CYP7B1: variants seen among roughly 807,000 people sequenced by gnomAD.
CYP7B1 encodes cytochrome P450 7B1.
A neutral mutation model predicts 42.7 loss-of-function variants in CYP7B1; 29 were observed. The ratio of observed to expected loss-of-function variants is 0.68; its 90% CI spans 0.51 to 0.93. CYP7B1 has a LOEUF of 0.93. CYP7B1 is among the 40% of genes least tolerant of loss of function. The pLI, the probability that CYP7B1 is intolerant of heterozygous loss-of-function variation, is 0.00. For synonymous variants in CYP7B1, 235 were observed against 218.2 expected (o/e 1.08, Z -0.68); for missense variants, 655 against 600.5 (o/e 1.09, Z -0.95).
At chr8:64,705,985 G>A (rs1385485799) in intron 1 of CYP7B1, among the ~76,000 whole-genome samples, 2 of 151,892 alleles carry the variant, frequency 1.3e-5, no homozygotes, top group African/African-American at 2.4e-5. Context: ...GAACTCCAAC[G>A]GGTTATTTTA....
intron 1 of CYP7B1, among the ~76,000 whole-genome samples, chr8:64,626,600 A>C (rs1805613497): frequency 6.6e-6 from 1 of 152,232 alleles, no homozygotes; most frequent in African/African-American, 2.4e-5. Flanking sequence ...CCTTTGGAAT[A>C]CTATCAGTTA....
At position 64,593,367 on chromosome 8, in the gene CYP7B1, C is replaced by G. The variant is rs1805067795; in HGVS notation, c.*3275G>C. Among the ~76,000 whole-genome samples, 1 of 151,804 alleles carries G rather than the reference C, an allele frequency of 6.6e-6. No homozygotes were observed. Among genetic ancestry groups the G allele is most frequent in the African/African-American group, 2.4e-5 (1 of 41,296 alleles). On this transcript the variant is annotated 3_prime_UTR_variant, in exon 6 of 6. Coordinates refer to ENST00000310193, the MANE Select transcript of CYP7B1 (RefSeq NM_004820.5). The stretch of plus-strand genomic sequence containing the variant: ...TGAACTAGAAAGAAACTGTGCTCCA[C>G]AGAGCAAAACTGTCAGTATATTTGC...
intron 2 of CYP7B1, among the ~76,000 whole-genome samples, chr8:64,616,978 T>A (rs1191017759): frequency 6.6e-6 from 1 of 152,192 alleles, no homozygotes; most frequent in Non-Finnish European, 1.5e-5. Flanking sequence ...TATTAAGATC[T>A]GGAAACTTGG....
intron 1 of CYP7B1, among the ~76,000 whole-genome samples, chr8:64,768,112 T>C (rs1804138081): frequency 6.6e-6 from 1 of 152,190 alleles, no homozygotes; most frequent in African/African-American, 2.4e-5. Flanking sequence ...CGCATCTACC[T>C]TTAAACACGG....
intron 1 of CYP7B1, among the ~76,000 whole-genome samples, chr8:64,688,216 C>T (rs1345503943): frequency 6.6e-6 from 1 of 152,202 alleles, no homozygotes; most frequent in African/African-American, 2.4e-5. Flanking sequence ...CAGCAATGCC[C>T]AGAAGCCCAC....
chr8:64,647,095 C>T (rs904538473), intron 1 of CYP7B1, among the ~76,000 whole-genome samples: 25 of 152,046 alleles, frequency 1.6e-4, no homozygotes, highest in African/African-American at 6.0e-4. Context: ...TATTAATTGG[C>T]CTAACTTCAA....
At chr8:64,747,119 T>C (rs568175293) in intron 1 of CYP7B1, among the ~76,000 whole-genome samples, 35 of 149,360 alleles carry the variant, frequency 2.3e-4, no homozygotes, top group Middle Eastern at 7.2e-3. Flanking sequence ...TTTATTGTTA[T>C]TTATAGATCT....
chr8:64,621,253 T>C (rs928690182), intron 2 of CYP7B1, among the ~76,000 whole-genome samples: 12 of 152,170 alleles, frequency 7.9e-5, no homozygotes, highest in Non-Finnish European at 1.8e-4. Flanking sequence ...CTAGACTAAA[T>C]GTTGACAATA....
At chr8:64,662,275 G>A (rs868505117) in intron 1 of CYP7B1, among the ~76,000 whole-genome samples, 8 of 152,160 alleles carry the variant, frequency 5.3e-5, no homozygotes, top group Middle Eastern at 3.2e-3. Context: ...CGAGGCTGCG[G>A]TGTGCTTTAT....
At chr8:64,659,759 G>T (rs895683029) in intron 1 of CYP7B1, among the ~76,000 whole-genome samples, 1 of 152,184 alleles carries the variant, frequency 6.6e-6, no homozygotes, top group Non-Finnish European at 1.5e-5. Flanking sequence ...TGGAAGGAAA[G>T]GTCTAAGAAC....
chr8:64,754,754 C>A (rs1807782537), intron 1 of CYP7B1, among the ~76,000 whole-genome samples: 1 of 152,096 alleles, frequency 6.6e-6, no homozygotes, highest in Non-Finnish European at 1.5e-5. Context: ...AAAGCCCCTG[C>A]AGAGTTTTTA....
At chr8:64,713,620 A>T (rs1414558864) in intron 1 of CYP7B1, among the ~76,000 whole-genome samples, 1 of 152,186 alleles carries the variant, frequency 6.6e-6, no homozygotes, top group Non-Finnish European at 1.5e-5. Context: ...ATACTGTAGA[A>T]GAAGAGATCA....
intron 1 of CYP7B1, among the ~76,000 whole-genome samples, chr8:64,676,741 G>C (rs1563386801): frequency 6.6e-6 from 1 of 151,990 alleles, no homozygotes; most frequent in Non-Finnish European, 1.5e-5. Flanking sequence ...TCTTAATTCA[G>C]TATTAAATGG....
chr8:64,643,122 T>TATATATACATATATATACAC (rs1805886198), intron 1 of CYP7B1, among the ~76,000 whole-genome samples: 27 of 48,906 alleles, frequency 5.5e-4, no homozygotes, highest in South Asian at 2.5e-3. Context: ...TATATATACA[T>TATATATACATATATATACAC]ATATACATAT....
chr8:64,708,090 C>T (rs924898955), intron 1 of CYP7B1, among the ~76,000 whole-genome samples: 2 of 152,072 alleles, frequency 1.3e-5, no homozygotes, highest in African/African-American at 4.8e-5. Flanking sequence ...TTCTTCCTTG[C>T]CTGGTGTTAT....
intron 1 of CYP7B1, among the ~76,000 whole-genome samples, chr8:64,633,536 G>C (rs1351272740): frequency 6.6e-6 from 1 of 152,098 alleles, no homozygotes; most frequent in Non-Finnish European, 1.5e-5. Flanking sequence ...AGTTAACTTA[G>C]TGAAAAAATT....
intron 1 of CYP7B1, among the ~76,000 whole-genome samples, chr8:64,768,455 T>C (rs1405592562): frequency 6.6e-6 from 1 of 152,220 alleles, no homozygotes. Flanking sequence ...GTTTAAAAAA[T>C]TGATGTTTTA....
At chr8:64,766,517 A>G (rs961782482) in intron 1 of CYP7B1, among the ~76,000 whole-genome samples, 2 of 141,314 alleles carry the variant, frequency 1.4e-5, no homozygotes, top group African/African-American at 2.6e-5. Flanking sequence ...AAACGGGATT[A>G]AAAAAAAAAA....
rs147435853 is a variant in CYP7B1, at chr8:64,701,814, T to C, written c.123-77275A>G. 1.2e-3 allele frequency among the ~76,000 whole-genome samples: 176 copies of C among 152,152 alleles called. 1 individual carries two copies. Among genetic ancestry groups the C allele is most frequent in the African/African-American group, 4.0e-3 (166 of 41,540 alleles). ...CTCCCAACACACAAACTCAAGCTGA[T>C]CACAGGCTTAAGGAAATAACTCCAG... On this transcript the variant is annotated intron_variant, in intron 1 of 5. Coordinates refer to ENST00000310193, the MANE Select transcript of CYP7B1 (RefSeq NM_004820.5).
Sources: gnomAD v4.1 joint callset for allele counts (sites outside exome capture counted in the v4.1 genomes callset) on GRCh38, gnomAD v4.1.1 for gene constraint, MANE v1.5 for transcripts, NCBI Gene and HGNC (gene_info 2026-07-23, HGNC 2026-07-21) for gene names.